The following TMEM232 variants were observed in gnomAD, a reference collection of about 807,000 sequenced individuals.
TMEM232 encodes the protein transmembrane protein 232.
In TMEM232, 80 loss-of-function variants were observed where a neutral mutation model predicts 78.8. The ratio of observed to expected loss-of-function variants is 1.01; its 90% CI spans 0.85 to 1.22. The LOEUF (loss-of-function observed/expected upper bound fraction) is 1.22, where lower values mean the gene tolerates loss of function less well. Ranked by LOEUF, TMEM232 falls within the 50% of genes most tolerant of loss-of-function variation. TMEM232 has a pLI of 0.00. For synonymous variants in TMEM232, 297 were observed against 254.3 expected, an observed-to-expected ratio of 1.17 and a Z score of -1.60; for missense variants, 881 against 742.2, an observed-to-expected ratio of 1.19 and a Z score of -2.17.
chr5:110,540,115 C>A (rs577377052), intron 11 of TMEM232, among the ~76,000 whole-genome samples: 1 of 152,328 alleles, frequency 6.6e-6, no homozygotes, highest in South Asian at 2.1e-4. Flanking sequence ...CCGCTCTTGG[C>A]ATCCAAGGCC....
At position 110,625,276 on chromosome 5, in the gene TMEM232, ATC is replaced by A. The variant is rs1316039808; in HGVS notation, c.757_758del (p.Asp253PhefsTer2). 1 of 1,536,350 alleles carries A rather than the reference ATC, an allele frequency of 6.5e-7. No individual in the cohort carries two copies. Among genetic ancestry groups the A allele is most frequent in the South Asian group, 1.2e-5 (1 of 81,084 alleles). On this transcript the variant is annotated frameshift_variant, in exon 7 of 14. Transcript: ENST00000455884. LOFTEE classifies it high-confidence loss of function. ...VEDKKRYENTDSDMGGYEINH... is the reference protein window; with the variant it reads ...VEDKKRYENTXSDMGGYEINH... ...ATACCAGATTACTCACCATATCAGA[ATC>A]TGTGTTCTCATATCTTTTCTTATCT...
chr5:110,455,553 T>C (rs776707858), intron 12 of TMEM232, among the ~76,000 whole-genome samples: 1 of 151,996 alleles, frequency 6.6e-6, no homozygotes, highest in Non-Finnish European at 1.5e-5. Flanking sequence ...AATTTTTTTG[T>C]ATTTTTAATA....
intron 12 of TMEM232, among the ~76,000 whole-genome samples, chr5:110,439,780 C>T (rs1321983307): frequency 1.3e-5 from 2 of 152,018 alleles, no homozygotes; most frequent in African/African-American, 4.8e-5. Context: ...CTATGTTCCA[C>T]CGAAGCAATT....
At chr5:110,661,863 T>C (rs1344061953) in intron 2 of TMEM232, among the ~76,000 whole-genome samples, 1 of 152,194 alleles carries the variant, frequency 6.6e-6, no homozygotes, top group African/African-American at 2.4e-5. Context: ...TAATGTCTCA[T>C]TGTGGGTTTA....
At chr5:110,446,503 C>G (rs1335811975) in intron 12 of TMEM232, among the ~76,000 whole-genome samples, 1 of 152,076 alleles carries the variant, frequency 6.6e-6, no homozygotes, top group East Asian at 1.9e-4. Flanking sequence ...AGCAACTATA[C>G]AGATTTGGGG....
intron 12 of TMEM232, among the ~76,000 whole-genome samples, chr5:110,514,195 T>A (rs897945566): frequency 1.3e-5 from 2 of 152,136 alleles, no homozygotes; most frequent in African/African-American, 2.4e-5. Flanking sequence ...CCGAAATACA[T>A]GTCTGGCATA....
chr5:110,627,496 A>G (rs1222513748), intron 6 of TMEM232, among the ~76,000 whole-genome samples: 3 of 152,038 alleles, frequency 2.0e-5, no homozygotes, highest in East Asian at 1.9e-4. Flanking sequence ...TCACAACATG[A>G]TAACTATAGT....
intron 2 of TMEM232, among the ~76,000 whole-genome samples, chr5:110,411,872 G>A (rs1756007275): frequency 6.6e-6 from 1 of 152,154 alleles, no homozygotes; most frequent in Admixed American, 6.5e-5. Flanking sequence ...TTTGGATATT[G>A]TGAATAATGC....
intron 2 of TMEM232, among the ~76,000 whole-genome samples, chr5:110,652,412 G>C (rs1374811129): frequency 2.6e-5 from 4 of 152,006 alleles, no homozygotes; most frequent in Non-Finnish European, 4.4e-5. Context: ...ACATAGTTAT[G>C]TCATTTTATT....
intron 2 of TMEM232, among the ~76,000 whole-genome samples, chr5:110,663,370 A>G (rs1331781302): frequency 3.3e-5 from 5 of 152,038 alleles, no homozygotes; most frequent in African/African-American, 9.7e-5. Flanking sequence ...ATACCAACAT[A>G]TTAATAAGAA....
At chr5:110,463,346 C>T (rs1761735638) in intron 12 of TMEM232, among the ~76,000 whole-genome samples, 1 of 152,150 alleles carries the variant, frequency 6.6e-6, no homozygotes. Flanking sequence ...ATTTTTGAGA[C>T]ATAATGTTAT....
intron 3 of TMEM232, among the ~76,000 whole-genome samples, chr5:110,392,344 T>C (rs1442323643): frequency 6.6e-6 from 1 of 152,198 alleles, no homozygotes; most frequent in Non-Finnish European, 1.5e-5. Context: ...AAATCAAGCA[T>C]CTTGGTAAAC....
intron 2 of TMEM232, among the ~76,000 whole-genome samples, chr5:110,403,636 T>C (rs1292982096): frequency 6.6e-6 from 1 of 152,054 alleles, no homozygotes; most frequent in Non-Finnish European, 1.5e-5. Flanking sequence ...AGGGAAGAAT[T>C]ACAATAGAAA....
intron 2 of TMEM232, among the ~76,000 whole-genome samples, chr5:110,410,632 A>G (rs1009591024): frequency 1.3e-5 from 2 of 152,220 alleles, no homozygotes; most frequent in South Asian, 2.1e-4. Flanking sequence ...TTCCTTTCCA[A>G]TAACAATAAA....
downstream of TMEM232, chr5:110,417,667 C>G (rs1439178170): frequency 1.0e-5 from 1 of 100,306 alleles, no homozygotes; most frequent in South Asian, 3.1e-4. Flanking sequence ...AAGCAGAAAA[C>G]AAGGCCAAAG....
chr5:110,551,525 G>T (rs1045167078), intron 11 of TMEM232, among the ~76,000 whole-genome samples: 1 of 152,070 alleles, frequency 6.6e-6, no homozygotes, highest in Non-Finnish European at 1.5e-5. Context: ...GCCAGGACAC[G>T]TCTAACATTT....
intron 5 of TMEM232, among the ~76,000 whole-genome samples, chr5:110,630,852 G>T (rs1321717787): frequency 4.6e-5 from 7 of 152,054 alleles, no homozygotes; most frequent in Non-Finnish European, 8.8e-5. Context: ...TCCCTACCAT[G>T]GACTGCGGCA....
chr5:110,607,022 A>C (rs1412823051), intron 8 of TMEM232, among the ~76,000 whole-genome samples: 1 of 151,998 alleles, frequency 6.6e-6, no homozygotes, highest in Non-Finnish European at 1.5e-5. Flanking sequence ...AAAAGTTAGT[A>C]TATTTTACAA....
At chr5:110,494,882 C>A (rs987762673) in intron 12 of TMEM232, among the ~76,000 whole-genome samples, 6 of 151,440 alleles carry the variant, frequency 4.0e-5, no homozygotes, top group African/African-American at 1.5e-4. Context: ...TTATATAAAG[C>A]AATTATCAAG....
Sources: allele counts gnomAD v4.1 joint callset (sites outside exome capture counted in the v4.1 genomes callset), GRCh38; gene constraint gnomAD v4.1.1; transcripts MANE v1.5; gene names NCBI Gene and HGNC (gene_info 2026-07-23, HGNC 2026-07-21).